The following KIF13B variants were observed in gnomAD, a reference collection of about 807,000 sequenced individuals.
KIF13B encodes kinesin-like protein KIF13B.
KIF13B carries 127 observed loss-of-function variants against 222.0 expected under a neutral mutation model. The observed-to-expected ratio is 0.57, with a 90% CI of 0.50 to 0.66. The LOEUF is 0.66. KIF13B is among the 30% of genes least tolerant of loss of function. The pLI, the probability that KIF13B is intolerant of heterozygous loss-of-function variation, is 0.00. For synonymous variants in KIF13B, 976 were observed against 919.0 expected, an observed-to-expected ratio of 1.06 and a Z score of -1.12; for missense variants, 2,173 against 2,379.0, an observed-to-expected ratio of 0.91 and a Z score of 1.80.
Position 29,140,563 on chromosome 8 carries a change from G to C in KIF13B, c.2389C>G (p.His797Asp), listed in dbSNP as rs763246326. Residue 797 changes from histidine (H) to aspartate (D), a missense_variant, in exon 20 of 40, where the codon CAC becomes GAC. Coordinates refer to ENST00000524189, the MANE Select transcript of KIF13B (RefSeq NM_015254.4). ...ADPFYDEQEN[H>D]SLIGVANVFL... Reference sequence around the variant, plus strand: ...ACATTGGCCACCCCAATGAGACTGTGATTTTCCTGCTCATCATAGAATGGA... The same window carrying C: ...ACATTGGCCACCCCAATGAGACTGTCATTTTCCTGCTCATCATAGAATGGA... The C allele has an allele frequency of 4.3e-6, 7 of 1,613,798 alleles. No individual in the cohort carries two copies. The highest frequency in any genetic ancestry group is 2.2e-5 in the South Asian group (2 of 91,072).
At chr8:29,185,759 A>G (rs1367309693) in intron 6 of KIF13B, among the ~76,000 whole-genome samples, 1 of 152,226 alleles carries the variant, frequency 6.6e-6, no homozygotes, top group Non-Finnish European at 1.5e-5. Flanking sequence ...TCAACAAGCC[A>G]CAGGCTGTGG....
chr8:29,091,406 A>G (rs1037139782), intron 37 of KIF13B, among the ~76,000 whole-genome samples: 1 of 152,188 alleles, frequency 6.6e-6, no homozygotes, highest in Non-Finnish European at 1.5e-5. Context: ...ATTTCCTTCA[A>G]CCTACATGAC....
At chr8:29,190,887 G>C (rs1281849682) in intron 4 of KIF13B, 110 bp downstream of exon 4, 1 of 835,488 alleles carries the variant, frequency 1.2e-6, no homozygotes, top group Non-Finnish European at 2.1e-6. Context: ...TGGTGTGACA[G>C]CAGAGGAAAC....
intron 2 of KIF13B, among the ~76,000 whole-genome samples, chr8:29,241,435 C>A (rs1226401989): frequency 3.3e-5 from 5 of 152,212 alleles, no homozygotes; most frequent in Admixed American, 1.3e-4. Flanking sequence ...CCAGGGACAT[C>A]TATTTGGTTC....
rs184232480 is a variant in KIF13B at position 29,142,008 on chromosome 8, A to C, written c.2334+149T>G. The C allele has an allele frequency of 8.2e-4, 437 of 530,916 alleles. 2 individuals carry two copies. Among genetic ancestry groups the C allele is most frequent in the African/African-American group, 6.4e-3 (331 of 51,982 alleles). 32.9% of individuals were successfully genotyped at this position (530,916 alleles called of 1,614,324 possible). ...GATTATTAAAATTGTTAATTTGCTA[A>C]ACAATTTAGGGGATTAAAATAAACC... On this transcript the variant is annotated intron_variant, in intron 19 of 39. Coordinates refer to ENST00000524189, the MANE Select transcript of KIF13B (RefSeq NM_015254.4).
chr8:29,098,669 C>T (rs922481718), intron 36 of KIF13B, among the ~76,000 whole-genome samples: 8 of 150,884 alleles, frequency 5.3e-5, no homozygotes, highest in African/African-American at 9.7e-5. Context: ...ATTCCAGGCC[C>T]GGATCATGTA....
chr8:29,118,388 G>A (rs1334950190), intron 30 of KIF13B, among the ~76,000 whole-genome samples: 11 of 151,630 alleles, frequency 7.3e-5, no homozygotes, highest in East Asian at 3.9e-4. Flanking sequence ...CCAGCTGCTC[G>A]GGAGGCTGAG....
chr8:29,154,172 G>C (rs1214256090), intron 14 of KIF13B, among the ~76,000 whole-genome samples: 1 of 152,056 alleles, frequency 6.6e-6, no homozygotes, highest in Non-Finnish European at 1.5e-5. Flanking sequence ...AAAAGATTAG[G>C]TGGGTGTGGT....
chr8:29,091,085 T>C (rs1231129079), intron 37 of KIF13B, among the ~76,000 whole-genome samples: 2 of 152,220 alleles, frequency 1.3e-5, no homozygotes, highest in African/African-American at 4.8e-5. Context: ...CCTTTGCTCA[T>C]ATGTGCTCAA....
chr8:29,144,246 G>A (rs960473726), intron 18 of KIF13B, among the ~76,000 whole-genome samples: 3 of 151,670 alleles, frequency 2.0e-5, no homozygotes, highest in African/African-American at 7.3e-5. Flanking sequence ...GAATTCTTAC[G>A]GTCAAAATGC....
Position 29,092,751 on chromosome 8 carries a change from T to G in KIF13B, c.4452A>C (p.Ala1484=), listed in dbSNP as rs1273784586. The G allele has an allele frequency of 6.2e-7, 1 of 1,611,868 alleles. No individual in the cohort carries two copies. Among genetic ancestry groups the G allele is most frequent in the Non-Finnish European group, 8.5e-7 (1 of 1,179,252 alleles). ...EKRGKRPSPL[A]HQPVPRIMVQ... ...TTTTCTCGGTGCTTTTTACCTGGTG[T>G]GCGAGGGGAGACGGCCGCTTGCCCC... The change falls in exon 37 of 40, where the codon GCA becomes GCC. Residue 1484 remains alanine, a synonymous_variant. Transcript: ENST00000524189.
chr8:29,171,759 CTT>C (rs869072795), intron 10 of KIF13B, among the ~76,000 whole-genome samples: 8 of 128,412 alleles, frequency 6.2e-5, no homozygotes, highest in Middle Eastern at 4.0e-3. Flanking sequence ...TTTTTTTCTT[CTT>C]TTTTTTTTTT....
At chr8:29,116,480 T>A (rs1809603911) in intron 31 of KIF13B, among the ~76,000 whole-genome samples, 2 of 151,014 alleles carry the variant, frequency 1.3e-5, no homozygotes, top group Non-Finnish European at 3.0e-5. Flanking sequence ...AAAAAAAAAG[T>A]CTGGAAAGAG....
chr8:29,119,332 G>C (rs1809748055), intron 29 of KIF13B, among the ~76,000 whole-genome samples: 1 of 152,088 alleles, frequency 6.6e-6, no homozygotes, highest in Non-Finnish European at 1.5e-5. Flanking sequence ...TGCACTGAAG[G>C]GTCAGAAACG....
At chr8:29,229,316 G>A (rs529364077) in intron 2 of KIF13B, among the ~76,000 whole-genome samples, 42 of 152,214 alleles carry the variant, frequency 2.8e-4, no homozygotes, top group South Asian at 1.0e-3. Flanking sequence ...TTGGAGAGAC[G>A]AGCTTAGGCA....
chr8:29,167,104 CTCTTT>C (rs1003320142), intron 11 of KIF13B, among the ~76,000 whole-genome samples: 4 of 152,210 alleles, frequency 2.6e-5, no homozygotes, highest in African/African-American at 9.6e-5. Flanking sequence ...TTATACCTCT[CTCTTT>C]TGTCTGCCGC....
At chr8:29,137,051 C>A (rs1207772025) in intron 21 of KIF13B, among the ~76,000 whole-genome samples, 1 of 152,096 alleles carries the variant, frequency 6.6e-6, no homozygotes, top group Non-Finnish European at 1.5e-5. Context: ...CCGCCCGCCT[C>A]AGCCTCCCAA....
chr8:29,134,001 G>GTA lies in KIF13B; in HGVS notation c.2784+37_2784+38dup, dbSNP rs750319313. 1.3e-5 allele frequency: 21 copies of GTA among 1,574,956 alleles called. No homozygotes were observed. The South Asian group carries it at 2.4e-4, about 18-fold the overall frequency. ...CATTTTCTGTTTTGTTTTCACATGA[G>GTA]TAATCTAAATGCTGACCTACTCTGG... On this transcript the variant is annotated intron_variant, in intron 22 of 39. Transcript: ENST00000524189.
In KIF13B at chr8:29,071,876, C is replaced by CGA; in HGVS notation, c.4960_4961dup (p.Glu1655ArgfsTer64). 1 of 1,534,110 alleles carries CGA rather than the reference C, an allele frequency of 6.5e-7. No homozygotes were observed. The highest frequency in any genetic ancestry group is 1.4e-5 in the African/African-American group (1 of 72,860). ...GCATGCGCGAGAAGGAGCGCAACTC[C>CGA]GAGGCCCGCACCCTCCGGACGCGGA... On this transcript the variant is annotated frameshift_variant, in exon 39 of 40. Transcript: ENST00000524189. LOFTEE classifies it high-confidence loss of function. The surrounding 1 kb of genome is among the most constrained non-coding windows in gnomAD (Gnocchi z 4.9).
Sources: allele counts gnomAD v4.1 joint callset (sites outside exome capture counted in the v4.1 genomes callset), GRCh38; gene constraint gnomAD v4.1.1; non-coding constraint Gnocchi (gnomAD v3.1); transcripts MANE v1.5; gene names NCBI Gene and HGNC (gene_info 2026-07-23, HGNC 2026-07-21).